Variants in EPB41L5 observed in about 807,000 individuals in gnomAD.
The protein encoded by EPB41L5 is band 4.1-like protein 5.
In EPB41L5, 55 loss-of-function variants were observed where a neutral mutation model predicts 106.6. The observed-to-expected ratio is 0.52, with a 90% CI of 0.42 to 0.65. The LOEUF (loss-of-function observed/expected upper bound fraction) is 0.65, where lower values mean the gene tolerates loss of function less well. Among genes scored for constraint, EPB41L5 ranks in the 30% least tolerant of loss-of-function variants. EPB41L5 has a pLI of 0.00. For missense variants in EPB41L5, 871 were observed against 882.1 expected (o/e 0.99, Z 0.16); for synonymous variants, 297 against 306.7 (o/e 0.97, Z 0.33).
intron 20 of EPB41L5, among the ~76,000 whole-genome samples, chr2:120,158,088 A>G (rs1004575625): frequency 2.2e-4 from 34 of 152,166 alleles, no homozygotes; most frequent in African/African-American, 7.0e-4. Flanking sequence ...TGAGCTCCAA[A>G]ATTGAATCAG....
intron 2 of EPB41L5, among the ~76,000 whole-genome samples, chr2:120,029,525 GA>G (rs1483768944): frequency 1.3e-5 from 2 of 152,106 alleles, no homozygotes; most frequent in Non-Finnish European, 1.5e-5. Flanking sequence ...CATTCTAGGA[GA>G]AATACCTTCT....
At chr2:120,107,571 C>G (rs1199274091) in intron 16 of EPB41L5, among the ~76,000 whole-genome samples, 1 of 152,056 alleles carries the variant, frequency 6.6e-6, no homozygotes, top group Non-Finnish European at 1.5e-5. Context: ...GGGGAAACAA[C>G]TTTCTCTCCT....
At chr2:120,167,654 A>G in intron 23 of EPB41L5, 147 bp downstream of exon 23, 1 of 1,014,186 alleles carries the variant, frequency 9.9e-7, no homozygotes, top group Non-Finnish European at 1.5e-6. Context: ...GCTTCAAGCT[A>G]GTGGCTTACC....
chr2:120,121,420 A>G lies in EPB41L5; in HGVS notation c.1338-6268A>G, dbSNP rs573623387. On this transcript the variant is annotated intron_variant, in intron 16 of 24. Transcript: ENST00000263713. ...TTGTGTCCAAGTGTTTTCATTGTTC[A>G]GTTCCCACCTATGAGTAAGAACATG... 3.9e-5 allele frequency among the ~76,000 whole-genome samples: 6 copies of G among 152,068 alleles called. No homozygotes were observed. The East Asian group carries it at 1.2e-3, about 29-fold the overall frequency.
rs1363622523 is a variant in EPB41L5, at chr2:120,167,985, T to C, written c.2113T>C (p.Phe705Leu). Residue 705 changes from phenylalanine to leucine, a missense_variant, in exon 24 of 25, where the codon TTC (phenylalanine) becomes CTC (leucine). By Grantham distance (22) the Phe-to-Leu change is conservative. Transcript: ENST00000263713. ...CTCACTGATCTCTCCCCCAGCGCCA[T>C]TCTTGGTAGATGCTGTGACCAGGTG... ...GISLISPPAP[F>L]LVDAVTSSGP... The C allele has an allele frequency of 1.2e-6, 2 of 1,614,168 alleles. No individual in the cohort carries two copies. Among genetic ancestry groups the C allele is most frequent in the Non-Finnish European group, 1.7e-6 (2 of 1,180,006 alleles).
At chr2:120,115,428 G>A (rs1438217394) in intron 16 of EPB41L5, among the ~76,000 whole-genome samples, 4 of 151,942 alleles carry the variant, frequency 2.6e-5, no homozygotes, top group Admixed American at 6.5e-5. Context: ...TTTTTGAGAC[G>A]GAGTCTCACT....
At chr2:120,040,240 A>C (rs1271912718) in intron 2 of EPB41L5, among the ~76,000 whole-genome samples, 2 of 152,182 alleles carry the variant, frequency 1.3e-5, no homozygotes, top group Non-Finnish European at 2.9e-5. Flanking sequence ...GAAGAGGTCC[A>C]TATAGAATAC....
intron 4 of EPB41L5, among the ~76,000 whole-genome samples, chr2:120,073,828 G>A (rs977273618): frequency 2.0e-5 from 3 of 152,094 alleles, no homozygotes; most frequent in Non-Finnish European, 4.4e-5. Context: ...GGGCTGTTAG[G>A]TTGCACAGTC....
At chr2:120,021,684 G>A (rs1221551606) in intron 2 of EPB41L5, among the ~76,000 whole-genome samples, 4 of 152,098 alleles carry the variant, frequency 2.6e-5, no homozygotes, top group South Asian at 2.1e-4. Flanking sequence ...AGGTGAAATC[G>A]TACTTATTAA....
chr2:120,148,013 T>G (rs1686486976), intron 20 of EPB41L5, among the ~76,000 whole-genome samples: 1 of 152,164 alleles, frequency 6.6e-6, no homozygotes, highest in African/African-American at 2.4e-5. Flanking sequence ...CTGTACCTCC[T>G]TTTTGAAAAT....
At chr2:120,136,784 C>T (rs1428804615) in intron 18 of EPB41L5, among the ~76,000 whole-genome samples, 2 of 152,080 alleles carry the variant, frequency 1.3e-5, no homozygotes, top group Admixed American at 6.6e-5. Context: ...AGATACACCT[C>T]GGTACAATTC....
At position 120,087,863 on chromosome 2, in the gene EPB41L5, T is replaced by G. The variant is rs73952023; in HGVS notation, c.873+623T>G. 7.7e-3 allele frequency among the ~76,000 whole-genome samples: 1,166 copies of G among 152,322 alleles called. 12 individuals carry two copies. The highest frequency in any genetic ancestry group is 0.027 in the African/African-American group (1,106 of 41,568). On this transcript the variant is annotated intron_variant, in intron 11 of 24. Coordinates refer to ENST00000263713, the MANE Select transcript of EPB41L5 (RefSeq NM_020909.4). ...AAGCCTTTTGAATTAAAGATTACCT[T>G]TGTATCAGTTACAGTGTGGTTCTTA...
intron 1 of EPB41L5, among the ~76,000 whole-genome samples, chr2:120,015,577 T>C (rs1677460884): frequency 6.6e-6 from 1 of 152,176 alleles, no homozygotes; most frequent in South Asian, 2.1e-4. Flanking sequence ...GAAACTCTCT[T>C]CAGTGTTCTG....
At chr2:120,116,356 C>T (rs1222173593) in intron 16 of EPB41L5, among the ~76,000 whole-genome samples, 1 of 152,150 alleles carries the variant, frequency 6.6e-6, no homozygotes, top group South Asian at 2.1e-4. Flanking sequence ...TTCTGCAGTG[C>T]GCTTTCCTTT....
chr2:120,105,841 G>T (rs1684423249), intron 16 of EPB41L5: 2 of 985,196 alleles, frequency 2.0e-6, no homozygotes, highest in African/African-American at 1.7e-5. Context: ...GAGGAATTTG[G>T]ATTATAACAT....
intron 18 of EPB41L5, among the ~76,000 whole-genome samples, chr2:120,140,915 T>G (rs1479446924): frequency 6.6e-6 from 1 of 152,094 alleles, no homozygotes; most frequent in African/African-American, 2.4e-5. Flanking sequence ...TAAAGTAATT[T>G]TAGGAAGAAA....
intron 14 of EPB41L5, among the ~76,000 whole-genome samples, chr2:120,095,761 C>T (rs573274503): frequency 6.6e-6 from 1 of 152,074 alleles, no homozygotes; most frequent in South Asian, 2.1e-4. Flanking sequence ...CTCCGCCTCC[C>T]AGGTTCAAGC....
Position 120,116,023 on chromosome 2 carries a change from C to A in EPB41L5, c.1338-11665C>A, listed in dbSNP as rs554924651. Among the ~76,000 whole-genome samples the A allele has an allele frequency of 3.2e-4, 49 of 152,070 alleles. 2 individuals carry two copies. The South Asian group carries it at 9.8e-3, about 30-fold the overall frequency. ...ACAGGGTTTTGCCATGTTGGTCATG[C>A]TGGTCTTGAACTTCTGGCCTCAAGT... On this transcript the variant is annotated intron_variant, in intron 16 of 24. Coordinates refer to ENST00000263713, the MANE Select transcript of EPB41L5 (RefSeq NM_020909.4).
At chr2:120,103,518 T>C (rs570287435) in intron 16 of EPB41L5, among the ~76,000 whole-genome samples, 1 of 152,348 alleles carries the variant, frequency 6.6e-6, no homozygotes, top group Admixed American at 6.5e-5. Flanking sequence ...GATGTAAAAT[T>C]ACATGGCCTC....
Sources: gnomAD v4.1 joint callset for allele counts (sites outside exome capture counted in the v4.1 genomes callset) on GRCh38, gnomAD v4.1.1 for gene constraint, MANE v1.5 for transcripts, NCBI Gene and HGNC (gene_info 2026-07-23, HGNC 2026-07-21) for gene names.